LRRC37A2: variants seen among roughly 807,000 people sequenced by gnomAD.
LRRC37A2 encodes leucine-rich repeat-containing protein 37A2.
A neutral mutation model predicts 68.8 loss-of-function variants in LRRC37A2; 9 were observed. That is an observed-to-expected ratio of 0.13 (90% confidence interval 0.08 to 0.23). LRRC37A2 has a LOEUF of 0.23. Ranked by LOEUF, LRRC37A2 falls within the 10% of genes least tolerant of loss-of-function variation. The pLI, the probability that LRRC37A2 is intolerant of heterozygous loss-of-function variation, is 1.00. For missense variants in LRRC37A2, 168 were observed against 950.4 expected, an observed-to-expected ratio of 0.18 and a Z score of 10.82; for synonymous variants, 63 against 367.6, an observed-to-expected ratio of 0.17 and a Z score of 9.48.
At chr17:46,741,869 C>T in the LRRC37A2 span, among the ~76,000 whole-genome samples, 5 of 152,258 alleles carry the variant, frequency 3.3e-5, no homozygotes, top group East Asian at 1.9e-4. Context: ...CAGGTTCAAG[C>T]GTTCTCCTGC....
At chr17:46,997,689 G>T in the LRRC37A2 span, among the ~76,000 whole-genome samples, 21 of 152,312 alleles carry the variant, frequency 1.4e-4, no homozygotes, top group South Asian at 4.3e-3. Flanking sequence ...ATAAAGGAAG[G>T]CTAGGTGTGG....
chr17:46,851,844 C>T, the LRRC37A2 span: 39 of 428,210 alleles, frequency 9.1e-5, no homozygotes, highest in African/African-American at 7.9e-4. This position sits in a 1 kb window ranked among gnomAD's most constrained non-coding sequence, Gnocchi z 4.3. Context: ...GACCCTAGCC[C>T]GGCGCGACCC....
the LRRC37A2 span, among the ~76,000 whole-genome samples, chr17:46,895,083 G>T: frequency 6.6e-6 from 1 of 152,188 alleles, no homozygotes; most frequent in Non-Finnish European, 1.5e-5. Flanking sequence ...GGTGGCCCCT[G>T]CCTGCACCAC....
chr17:46,725,663 A>C, the LRRC37A2 span, among the ~76,000 whole-genome samples: 1 of 152,120 alleles, frequency 6.6e-6, no homozygotes, highest in Non-Finnish European at 1.5e-5. Context: ...AAAGATACCC[A>C]GGAAGGAATA....
At chr17:46,827,813 C>CTTT in the LRRC37A2 span, among the ~76,000 whole-genome samples, 1 of 142,012 alleles carries the variant, frequency 7.0e-6, no homozygotes. Context: ...AAATTTCTTT[C>CTTT]TTTTTTTTTT....
chr17:46,492,506 C>T, the LRRC37A2 span, among the ~76,000 whole-genome samples: 1 of 150,224 alleles, frequency 6.7e-6, no homozygotes, highest in Non-Finnish European at 1.5e-5. Flanking sequence ...TGTCTGAACA[C>T]AATTCTTGTT....
the LRRC37A2 span, among the ~76,000 whole-genome samples, chr17:46,382,132 G>A: frequency 6.8e-6 from 1 of 147,966 alleles, no homozygotes; most frequent in Non-Finnish European, 1.5e-5. Context: ...TACAAAATTA[G>A]CCGGGCGTGG....
chr17:46,796,258 T>C, the LRRC37A2 span, among the ~76,000 whole-genome samples: 1 of 152,226 alleles, frequency 6.6e-6, no homozygotes, highest in African/African-American at 2.4e-5. Context: ...TTTGTCACAG[T>C]CCCTGGCACA....
chr17:46,807,754 A>G, the LRRC37A2 span, among the ~76,000 whole-genome samples: 1 of 152,202 alleles, frequency 6.6e-6, no homozygotes, highest in African/African-American at 2.4e-5. Context: ...CGGAAAACAC[A>G]TCAGATTCAA....
At chr17:46,811,157 AC>A in the LRRC37A2 span, among the ~76,000 whole-genome samples, 3 of 144,042 alleles carry the variant, frequency 2.1e-5, no homozygotes, top group African/African-American at 7.4e-5. Context: ...CAGCAACTCT[AC>A]CCCTGCCCGC....
the LRRC37A2 span, among the ~76,000 whole-genome samples, chr17:46,722,726 A>G: frequency 6.6e-6 from 1 of 152,182 alleles, no homozygotes; most frequent in African/African-American, 2.4e-5. Context: ...TAGTGACTAG[A>G]TAAGGAAGAA....
At chr17:46,888,820 C>T in the LRRC37A2 span, among the ~76,000 whole-genome samples, 6 of 152,180 alleles carry the variant, frequency 3.9e-5, no homozygotes, top group African/African-American at 1.4e-4. Flanking sequence ...GCACCTGGTG[C>T]TGTGCAAAAT....
the LRRC37A2 span, among the ~76,000 whole-genome samples, chr17:46,598,615 A>G: frequency 1.3e-5 from 2 of 152,116 alleles, no homozygotes; most frequent in African/African-American, 4.8e-5. Flanking sequence ...GTATGGAAAG[A>G]TGTTAGAGGT....
chr17:46,917,684 G>A, the LRRC37A2 span, among the ~76,000 whole-genome samples: 1 of 152,202 alleles, frequency 6.6e-6, no homozygotes, highest in Non-Finnish European at 1.5e-5. Context: ...ACTATGTGGT[G>A]GCTCCAATCC....
chr17:46,836,095 CGTGTGTGTGTGTGTGTGTGT>C, the LRRC37A2 span, among the ~76,000 whole-genome samples: 2 of 126,434 alleles, frequency 1.6e-5, no homozygotes, highest in Non-Finnish European at 3.2e-5. Context: ...GAGACGCTGA[CGTGTGTGTGTGTGTGTGTGT>C]GTGTGTGTGT....
chr17:46,691,786 T>G, the LRRC37A2 span, among the ~76,000 whole-genome samples: 1 of 151,570 alleles, frequency 6.6e-6, no homozygotes, highest in African/African-American at 2.4e-5. Context: ...GGAGTCTCAC[T>G]CTGTCGCCCA....
At chr17:46,936,030 G>A in the LRRC37A2 span, 18 of 985,654 alleles carry the variant, frequency 1.8e-5, no homozygotes, top group African/African-American at 1.6e-4. Flanking sequence ...ACTTCAGTAC[G>A]TTTCTGAACA....
At chr17:46,858,091 G>A in the LRRC37A2 span, among the ~76,000 whole-genome samples, 1 of 151,886 alleles carries the variant, frequency 6.6e-6, no homozygotes, top group Admixed American at 6.6e-5. Flanking sequence ...CACCATGCTC[G>A]GCTAATTTTT....
the LRRC37A2 span, among the ~76,000 whole-genome samples, chr17:47,000,961 C>T: frequency 6.6e-6 from 1 of 152,062 alleles, no homozygotes; most frequent in South Asian, 2.1e-4. Flanking sequence ...TGTGGTAAAA[C>T]CCCGTCTCTA....
Sources: gnomAD v4.1 joint callset for allele counts (sites outside exome capture counted in the v4.1 genomes callset) on GRCh38, gnomAD v4.1.1 for gene constraint, Gnocchi (gnomAD v3.1) non-coding constraint, MANE v1.5 for transcripts, NCBI Gene and HGNC (gene_info 2026-07-23, HGNC 2026-07-21) for gene names.